Variants in FAM110B observed in about 807,000 individuals in gnomAD.
The protein encoded by FAM110B is family with sequence similarity 110 member B.
Under a neutral mutation model 20.4 loss-of-function variants are expected in FAM110B, and 6 were observed. The observed-to-expected ratio is 0.29, with a 90% CI of 0.16 to 0.58. The LOEUF is 0.58. FAM110B is among the 20% of genes least tolerant of loss of function. The probability of loss-of-function intolerance (pLI) is 0.90; values close to 1 mark genes in which losing one functional copy is unlikely to be tolerated. For missense variants in FAM110B, 434 were observed against 498.2 expected (o/e 0.87, Z 1.23); for synonymous variants, 226 against 214.1 (o/e 1.06, Z -0.49).
chr8:58,103,772 C>T (rs1806844824), intron 3 of FAM110B, among the ~76,000 whole-genome samples: 1 of 152,174 alleles, frequency 6.6e-6, no homozygotes, highest in African/African-American at 2.4e-5. Flanking sequence ...TTCTAGAAGG[C>T]CCCTTCTCCT....
At position 58,114,226 on chromosome 8, in the gene FAM110B, G is replaced by T. The variant is rs1807139756; in HGVS notation, c.-324-31681G>T. Reference sequence around the variant, plus strand: ...TGACTTGTCTCTTGTCCATGGGAAGGGCTTGTACTGGTCTGGTCTGAGAGG... The same window carrying T: ...TGACTTGTCTCTTGTCCATGGGAAGTGCTTGTACTGGTCTGGTCTGAGAGG... On this transcript the variant is annotated intron_variant, in intron 3 of 3. Transcript: ENST00000519262. Among the ~76,000 whole-genome samples, 4 of 152,130 alleles carry T rather than the reference G, an allele frequency of 2.6e-5. No homozygotes were observed. In the South Asian group the frequency reaches 8.3e-4, roughly 32 times the overall value.
chr8:58,146,180 G>T lies in FAM110B; in HGVS notation c.-51G>T. 1 of 1,537,696 alleles carries T rather than the reference G, an allele frequency of 6.5e-7. No homozygotes were observed. The highest frequency in any genetic ancestry group is 8.8e-7 in the Non-Finnish European group (1 of 1,141,854). On this transcript the variant is annotated 5_prime_UTR_variant, in exon 4 of 4. Transcript: ENST00000519262. Reference sequence around the variant, plus strand: ...TACATGTGTCTATTCAGGCCTTGCGGAGGCGCCCAGAAGAGCATCCAACAC... The same window carrying T: ...TACATGTGTCTATTCAGGCCTTGCGTAGGCGCCCAGAAGAGCATCCAACAC...
rs565505522 is a variant in FAM110B at position 58,052,318 on chromosome 8, G to A, written c.-414+20615G>A. Among the ~76,000 whole-genome samples, 9 of 152,248 alleles carry A rather than the reference G, an allele frequency of 5.9e-5. No individual in the cohort carries two copies. The South Asian group carries it at 1.9e-3, about 32-fold the overall frequency. On this transcript the variant is annotated intron_variant, in intron 2 of 3. Coordinates refer to ENST00000519262, the MANE Select transcript of FAM110B (RefSeq NM_001377989.1). ...ATCCTTTGTGACTCAACAAAGTTCT[G>A]ATGCAATGCAATGACAGTAGAAACA...
chr8:58,046,822 G>T lies in FAM110B; in HGVS notation c.-414+15119G>T, dbSNP rs186347330. Among the ~76,000 whole-genome samples, 428 of 152,296 alleles carry T rather than the reference G, an allele frequency of 2.8e-3. 3 individuals are homozygous for T. The highest frequency in any genetic ancestry group is 2.2e-3 in the Non-Finnish European group (151 of 68,026). Reference sequence around the variant, plus strand: ...TTACTGCATCTCCTGTCTTACACTAGACCTTGCAGAGGGGTCACACTTTAC... The same window carrying T: ...TTACTGCATCTCCTGTCTTACACTATACCTTGCAGAGGGGTCACACTTTAC... On this transcript the variant is annotated intron_variant, in intron 2 of 3. Transcript: ENST00000519262.
At chr8:58,064,860 C>T (rs1212303996) in intron 2 of FAM110B, among the ~76,000 whole-genome samples, 3 of 152,132 alleles carry the variant, frequency 2.0e-5, no homozygotes, top group Non-Finnish European at 4.4e-5. Flanking sequence ...GAAGGAGAGA[C>T]GTATATGGTG....
intron 2 of FAM110B, among the ~76,000 whole-genome samples, chr8:58,033,292 A>G (rs1405586020): frequency 6.6e-6 from 1 of 152,036 alleles, no homozygotes; most frequent in Non-Finnish European, 1.5e-5. Context: ...TTTTTAATCC[A>G]GTCCACCATT....
intron 2 of FAM110B, among the ~76,000 whole-genome samples, chr8:58,074,400 C>T (rs776339265): frequency 4.6e-5 from 7 of 152,140 alleles, no homozygotes; most frequent in Non-Finnish European, 8.8e-5. Flanking sequence ...CTTTGCACAG[C>T]GCGGAGAATG....
At chr8:58,022,146 G>A (rs1035973758) in intron 1 of FAM110B, among the ~76,000 whole-genome samples, 1 of 152,190 alleles carries the variant, frequency 6.6e-6, no homozygotes, top group Non-Finnish European at 1.5e-5. Flanking sequence ...ATGCACAAGA[G>A]CTTTACTGGT....
chr8:58,134,526 G>A (rs1018995168), intron 3 of FAM110B, among the ~76,000 whole-genome samples: 4 of 152,218 alleles, frequency 2.6e-5, no homozygotes, highest in Non-Finnish European at 4.4e-5. Flanking sequence ...ATGAAAGGGT[G>A]TGCTAGGTAT....
chr8:58,105,586 T>TG (rs1363099823), intron 3 of FAM110B, among the ~76,000 whole-genome samples: 4 of 124,096 alleles, frequency 3.2e-5, no homozygotes, highest in Admixed American at 8.0e-5. Flanking sequence ...TTTTTTTTTT[T>TG]GTGACAGAGT....
intron 3 of FAM110B, among the ~76,000 whole-genome samples, chr8:58,115,170 A>T (rs562694269): frequency 6.6e-6 from 1 of 151,996 alleles, no homozygotes; most frequent in Non-Finnish European, 1.5e-5. Flanking sequence ...CAATTTCTTA[A>T]AGACTACTTT....
At chr8:58,142,744 C>T (rs55842316) in intron 3 of FAM110B, among the ~76,000 whole-genome samples, 2,973 of 152,302 alleles carry the variant, frequency 0.02, 45 homozygotes, top group East Asian at 0.082. Context: ...GTTTATGAAT[C>T]GAAGTTTCTC....
chr8:58,131,904 G>T (rs1223628800), intron 3 of FAM110B, among the ~76,000 whole-genome samples: 2 of 152,196 alleles, frequency 1.3e-5, no homozygotes, highest in Non-Finnish European at 2.9e-5. Context: ...TTAGGGGAAA[G>T]TTGCATTGCG....
chr8:58,012,055 C>T (rs527459734), intron 1 of FAM110B, among the ~76,000 whole-genome samples: 1 of 152,246 alleles, frequency 6.6e-6, no homozygotes, highest in South Asian at 2.1e-4. Flanking sequence ...GTGTACTCTG[C>T]ACTTTACACA....
intron 2 of FAM110B, among the ~76,000 whole-genome samples, chr8:58,051,648 A>G (rs926081561): frequency 6.6e-6 from 1 of 152,148 alleles, no homozygotes; most frequent in South Asian, 2.1e-4. Context: ...GGACTTGCAA[A>G]TATATAACAT....
At chr8:58,050,539 CA>C (rs1330131999) in intron 2 of FAM110B, among the ~76,000 whole-genome samples, 16 of 152,194 alleles carry the variant, frequency 1.1e-4, no homozygotes, top group Admixed American at 3.9e-4. Context: ...TTCCTGGCTG[CA>C]GGCCAAGGAC....
intron 2 of FAM110B, among the ~76,000 whole-genome samples, chr8:58,046,593 A>T (rs1805323830): frequency 6.6e-6 from 1 of 152,250 alleles, no homozygotes; most frequent in Admixed American, 6.5e-5. Context: ...TTAGATGTAC[A>T]TAGGTATGTA....
intron 2 of FAM110B, among the ~76,000 whole-genome samples, chr8:58,050,178 A>T (rs1805411073): frequency 6.6e-6 from 1 of 151,866 alleles, no homozygotes; most frequent in Non-Finnish European, 1.5e-5. Context: ...TGTGAGGAGG[A>T]TAGAATATTC....
rs141324081 is a variant in FAM110B at position 58,093,301 on chromosome 8, G to A, written c.-325+17678G>A. Among the ~76,000 whole-genome samples the A allele has an allele frequency of 5.0e-3, 766 of 152,300 alleles. 1 individual carries two copies. The highest frequency in any genetic ancestry group is 8.3e-3 in the Admixed American group (127 of 15,302). The stretch of plus-strand genomic sequence containing the variant: ...GGCTTTCATTGCTGTTGCTTTTGGT[G>A]TTTTAGTCATGAAGTCCTTGCCCAT... On this transcript the variant is annotated intron_variant, in intron 3 of 3. Coordinates refer to ENST00000519262, the MANE Select transcript of FAM110B (RefSeq NM_001377989.1).
Sources: gnomAD v4.1 joint callset for allele counts (sites outside exome capture counted in the v4.1 genomes callset) on GRCh38, gnomAD v4.1.1 for gene constraint, MANE v1.5 for transcripts, NCBI Gene and HGNC (gene_info 2026-07-23, HGNC 2026-07-21) for gene names.